DEPDC1B: variants seen among roughly 807,000 people sequenced by gnomAD.
The protein encoded by DEPDC1B is DEP domain-containing protein 1B.
A neutral mutation model predicts 66.5 loss-of-function variants in DEPDC1B; 51 were observed. The ratio of observed to expected loss-of-function variants is 0.77; its 90% confidence interval spans 0.61 to 0.97. DEPDC1B has a LOEUF of 0.97. DEPDC1B is among the 50% of genes least tolerant of loss of function. The probability of loss-of-function intolerance (pLI) is 0.00; values close to 1 mark genes in which losing one functional copy is unlikely to be tolerated. For missense variants in DEPDC1B, 552 were observed against 637.1 expected, an observed-to-expected ratio of 0.87 and a Z score of 1.44; for synonymous variants, 226 against 223.6, an observed-to-expected ratio of 1.01 and a Z score of -0.10.
At chr5:60,664,601 G>C (rs1351799843) in intron 2 of DEPDC1B, among the ~76,000 whole-genome samples, 1 of 152,198 alleles carries the variant, frequency 6.6e-6, no homozygotes, top group African/African-American at 2.4e-5. Context: ...GGACCTTCTA[G>C]AGGTTCCCTT....
intron 7 of DEPDC1B, among the ~76,000 whole-genome samples, chr5:60,627,742 G>A (rs1335754572): frequency 1.3e-5 from 2 of 151,830 alleles, no homozygotes; most frequent in African/African-American, 4.8e-5. Flanking sequence ...AGAAATGGCT[G>A]GATATCAACA....
At chr5:60,606,136 C>G (rs983945298) in intron 7 of DEPDC1B, among the ~76,000 whole-genome samples, 13 of 152,112 alleles carry the variant, frequency 8.5e-5, no homozygotes, top group Non-Finnish European at 1.9e-4. Context: ...CACTCTTTCC[C>G]GAACCAGGAG....
intron 7 of DEPDC1B, among the ~76,000 whole-genome samples, chr5:60,632,470 G>A (rs536382174): frequency 8.5e-4 from 129 of 152,320 alleles, no homozygotes; most frequent in Non-Finnish European, 1.4e-3. Context: ...TGGCCAGAGC[G>A]CCCCCTCTGC....
intron 7 of DEPDC1B, among the ~76,000 whole-genome samples, chr5:60,611,995 G>C (rs576317443): frequency 1.3e-5 from 2 of 152,198 alleles, no homozygotes; most frequent in Admixed American, 1.3e-4. Flanking sequence ...GTAACTAGAA[G>C]GGAGAAGTCG....
intron 2 of DEPDC1B, among the ~76,000 whole-genome samples, chr5:60,675,700 C>T (rs997965821): frequency 1.3e-5 from 2 of 152,096 alleles, no homozygotes; most frequent in African/African-American, 4.8e-5. Context: ...GCCTATAAAA[C>T]ACAGGCCCTT....
chr5:60,677,530 C>A (rs1754198161), intron 2 of DEPDC1B, among the ~76,000 whole-genome samples: 1 of 151,914 alleles, frequency 6.6e-6, no homozygotes, highest in African/African-American at 2.4e-5. Flanking sequence ...TCATTTTTTT[C>A]TTTTTTATTT....
At chr5:60,644,981 A>G (rs1403567434) in intron 4 of DEPDC1B, 106 bp from the exon 5 acceptor site, 1 of 814,072 alleles carries the variant, frequency 1.2e-6, no homozygotes, top group Non-Finnish European at 1.8e-6. Flanking sequence ...ATTTTCATGC[A>G]TTGCACCCAA....
intron 7 of DEPDC1B, among the ~76,000 whole-genome samples, chr5:60,612,821 T>C (rs558510270): frequency 2.0e-5 from 3 of 152,124 alleles, no homozygotes; most frequent in South Asian, 2.1e-4. Flanking sequence ...TCTGAGGGAA[T>C]GCAAGGTCAC....
intron 2 of DEPDC1B, among the ~76,000 whole-genome samples, chr5:60,661,264 T>C (rs189365279): frequency 3.3e-5 from 5 of 152,256 alleles, no homozygotes; most frequent in East Asian, 3.9e-4. Context: ...AACCCTTTCT[T>C]TGTGGTCAAG....
At chr5:60,692,648 A>G (rs1190136546) in intron 1 of DEPDC1B, among the ~76,000 whole-genome samples, 1 of 152,172 alleles carries the variant, frequency 6.6e-6, no homozygotes, top group Non-Finnish European at 1.5e-5. Flanking sequence ...TGAACACCTT[A>G]TAACTCAGCA....
intron 7 of DEPDC1B, among the ~76,000 whole-genome samples, chr5:60,638,241 A>C (rs1050372011): frequency 2.0e-5 from 3 of 152,346 alleles, no homozygotes; most frequent in South Asian, 2.1e-4. Flanking sequence ...TCTAAAGTAT[A>C]AATCTATATG....
In DEPDC1B at chr5:60,597,761, G is replaced by A. The variant is rs575323127; in HGVS notation, c.1582C>T (p.Arg528Ter). 16 of 1,612,292 alleles carry A rather than the reference G, an allele frequency of 9.9e-6. No individual in the cohort carries two copies. The African/African-American group carries it at 1.5e-4, about 15-fold the overall frequency. The change falls in exon 11 of 11, where the codon CGA (arginine) becomes TGA (stop). Residue 528 changes from arginine (R) to a stop codon, truncating the protein, a stop_gained. Transcript: ENST00000265036. LOFTEE classifies it high-confidence loss of function. Reference sequence around the variant, plus strand: ...TTGCTGTGGAAGTATTATTACATTCGAAAACTTCTAGTTCTTTGAAATGGT... The same window carrying A: ...TTGCTGTGGAAGTATTATTACATTCAAAAACTTCTAGTTCTTTGAAATGGT... ...FQPFQRTRSFRM is the reference protein window; with the variant it reads ...FQPFQRTRSF
chr5:60,689,114 A>T (rs1222460163), intron 1 of DEPDC1B: 1 of 454,850 alleles, frequency 2.2e-6, no homozygotes, highest in Non-Finnish European at 4.4e-6. Flanking sequence ...GTTCTGCCAT[A>T]TACTGGTTGC....
At chr5:60,670,454 C>T (rs571199098) in intron 2 of DEPDC1B, among the ~76,000 whole-genome samples, 27 of 152,132 alleles carry the variant, frequency 1.8e-4, no homozygotes, top group African/African-American at 6.0e-4. Flanking sequence ...AGATTAAGCA[C>T]CTAAATATAT....
At chr5:60,657,097 T>C (rs560466051) in intron 2 of DEPDC1B, among the ~76,000 whole-genome samples, 22 of 152,364 alleles carry the variant, frequency 1.4e-4, no homozygotes, top group African/African-American at 4.6e-4. Context: ...TTGTCTGATA[T>C]AAGAACAGCT....
intron 7 of DEPDC1B, among the ~76,000 whole-genome samples, chr5:60,624,004 T>C (rs748060683): frequency 2.0e-5 from 3 of 152,156 alleles, no homozygotes; most frequent in Non-Finnish European, 4.4e-5. Context: ...TTTCATGCCT[T>C]TAAGGCATGA....
At chr5:60,597,969 A>AG in intron 10 of DEPDC1B, 55 bp from the exon 11 acceptor site, 1 of 1,461,716 alleles carries the variant, frequency 6.8e-7, no homozygotes, top group Non-Finnish European at 9.1e-7. Context: ...AAGCCAATAA[A>AG]ATTTGGCAGC....
intron 7 of DEPDC1B, among the ~76,000 whole-genome samples, chr5:60,636,094 T>C (rs1047629746): frequency 6.6e-5 from 10 of 152,144 alleles, no homozygotes; most frequent in Non-Finnish European, 1.2e-4. Context: ...GTATGGAGTG[T>C]GAGTAAAGAA....
chr5:60,679,869 T>C (rs1754257342), intron 2 of DEPDC1B, among the ~76,000 whole-genome samples: 1 of 152,222 alleles, frequency 6.6e-6, no homozygotes. Flanking sequence ...TAGGTTTAAA[T>C]AATATTACGT....
Sources: gnomAD v4.1 joint callset for allele counts (sites outside exome capture counted in the v4.1 genomes callset) on GRCh38, gnomAD v4.1.1 for gene constraint, MANE v1.5 for transcripts, NCBI Gene and HGNC (gene_info 2026-07-23, HGNC 2026-07-21) for gene names.